IBA57: variants seen among roughly 807,000 people sequenced by gnomAD.
The protein encoded by IBA57 is iron-sulfur cluster assembly factor IBA57.
Under a neutral mutation model 20.4 loss-of-function variants are expected in IBA57, and 20 were observed. That is an observed-to-expected ratio of 0.98 (90% confidence interval 0.69 to 1.42). The LOEUF is 1.42. IBA57 is among the 40% of genes most tolerant of loss of function. The pLI is 0.00. For missense variants in IBA57, 608 were observed against 499.3 expected, an observed-to-expected ratio of 1.22 and a Z score of -2.07; for synonymous variants, 310 against 233.9, an observed-to-expected ratio of 1.33 and a Z score of -2.97.
intron 1 of IBA57, among the ~76,000 whole-genome samples, chr1:228,167,300 T>C (rs935571578): frequency 6.6e-6 from 1 of 152,096 alleles, no homozygotes; most frequent in Non-Finnish European, 1.5e-5. Context: ...TGCCGGTGTT[T>C]ATAATAAAAT....
At position 228,176,974 on chromosome 1, in the gene IBA57, T is replaced by C. The variant is rs1026851654; in HGVS notation, c.*1461T>C. ...AGAGCCGGTGGCCTTCAGCCCCTCT[T>C]GGACAGGTCATGGTCTGGAAGCGCC... On this transcript the variant is annotated 3_prime_UTR_variant, in exon 3 of 3. Coordinates refer to ENST00000366711, the MANE Select transcript of IBA57 (RefSeq NM_001010867.4). 2.6e-5 allele frequency: 4 copies of C among 152,320 alleles called. No individual in the cohort carries two copies. The highest frequency in any genetic ancestry group is 2.1e-4 in the South Asian group (1 of 4,830). The allele number at this position is 152,320 out of a possible 1,614,324, so 9.4% of individuals were successfully genotyped here.
Position 228,175,006 on chromosome 1 carries a change from A to G in IBA57, c.656A>G (p.Tyr219Cys). Residue 219 changes from tyrosine (Y) to cysteine (C), a missense_variant, in exon 2 of 3, where the codon TAT (tyrosine) becomes TGT (cysteine). Transcript: ENST00000366711. ...PGGRLGDLWD[Y>C]HQHRYLQGVP... ...GGCCGGCTCGGGGACTTGTGGGATT[A>G]TCACCAGCACCGATACCTGCAAGGT... 1 of 1,550,156 alleles carries G rather than the reference A, an allele frequency of 6.5e-7. No individual in the cohort carries two copies. The highest frequency in any genetic ancestry group is 8.7e-7 in the Non-Finnish European group (1 of 1,145,044).
chr1:228,174,102 G>C (rs868432070), intron 1 of IBA57, among the ~76,000 whole-genome samples: 19 of 152,242 alleles, frequency 1.2e-4, no homozygotes, highest in Middle Eastern at 3.4e-3. Flanking sequence ...GGGAGGTGCT[G>C]CCTGGTGTGG....
At position 228,180,471 on chromosome 1, in the gene IBA57, C is replaced by T. The variant is rs2035091846; in HGVS notation, c.*4958C>T. 1 of 152,168 alleles carries T rather than the reference C, an allele frequency of 6.6e-6. No homozygotes were observed. Among genetic ancestry groups the T allele is most frequent in the Non-Finnish European group, 1.5e-5 (1 of 68,020 alleles). 9.4% of individuals were successfully genotyped at this position (152,168 alleles called of 1,614,324 possible). ...AAACCTACAGTGTTCTAAAGTCCCC[C>T]TACTGGTCGGAAGGAGGGCACGGAC... On this transcript the variant is annotated 3_prime_UTR_variant, in exon 3 of 3. Coordinates refer to ENST00000366711, the MANE Select transcript of IBA57 (RefSeq NM_001010867.4).
Position 228,179,287 on chromosome 1 carries a change from C to T in IBA57, c.*3774C>T, listed in dbSNP as rs2035073051. 1 of 151,904 alleles carries T rather than the reference C, an allele frequency of 6.6e-6. No individual in the cohort carries two copies. The highest frequency in any genetic ancestry group is 6.6e-5 in the Admixed American group (1 of 15,242). 9.4% of individuals were successfully genotyped at this position (151,904 alleles called of 1,614,324 possible). ...ATATTTAAAGAAAACAATTTATGCA[C>T]AGGAAGCAAGAGACTATAAAAATGA... On this transcript the variant is annotated 3_prime_UTR_variant, in exon 3 of 3. Coordinates refer to ENST00000366711, the MANE Select transcript of IBA57 (RefSeq NM_001010867.4).
chr1:228,175,194 A>C lies in IBA57; in HGVS notation c.752A>C (p.Asn251Thr). 1 of 1,612,590 alleles carries C rather than the reference A, an allele frequency of 6.2e-7. No homozygotes were observed. Among genetic ancestry groups the C allele is most frequent in the Non-Finnish European group, 8.5e-7 (1 of 1,179,894 alleles). The part of the protein sequence containing the change: ...LPLESNLAFM[N>T]GVSFTKGCYI... ...CTGGAGTCCAACCTGGCCTTCATGA[A>C]CGGCGTGAGCTTCACCAAAGGCTGC... is the stretch of plus-strand genomic sequence containing the variant. The change falls in exon 3 of 3, where the codon AAC (asparagine) becomes ACC (threonine). Residue 251 changes from asparagine (N) to threonine (T), a missense_variant. Asn to Thr is a moderately conservative substitution (Grantham distance 65). Transcript: ENST00000366711.
rs1298056442 is a variant in IBA57 at position 228,166,129 on chromosome 1, C to A, written c.313C>A (p.Arg105=). The change falls in exon 1 of 3, where the codon CGG becomes AGG. Residue 105 remains arginine (R), a synonymous_variant. Transcript: ENST00000366711. Reference sequence around the variant, plus strand: ...CGCCCACTTCCTGAACGTGCAGGGCCGGACGCTCTATGACGTCATCTTGTA... The same window carrying A: ...CGCCCACTTCCTGAACGTGCAGGGCAGGACGCTCTATGACGTCATCTTGTA... ...GYAHFLNVQG[R]TLYDVILYGL... The A allele has an allele frequency of 1.3e-6, 2 of 1,533,036 alleles. No homozygotes were observed. The highest frequency in any genetic ancestry group is 1.7e-4 in the Middle Eastern group (1 of 5,886). The allele number at this position is 1,533,036 out of a possible 1,614,324, so 95.0% of individuals were successfully genotyped here.
At chr1:228,174,510 TC>T (rs1317900590) in intron 1 of IBA57, 181 bp from the exon 2 acceptor site, 1 of 91,762 alleles carries the variant, frequency 1.1e-5, no homozygotes, top group African/African-American at 4.2e-5. Flanking sequence ...TGGGCGTGGC[TC>T]CCTGCGTGTG....
In IBA57 at chr1:228,175,726, G is replaced by A. The variant is rs1408839497; in HGVS notation, c.*213G>A. ...GGGTTGTTTTCTCCCTGGACTTCCT[G>A]TGGCCCCAGAGGAGCCCACCGTGTG... is the stretch of plus-strand genomic sequence containing the variant. On this transcript the variant is annotated 3_prime_UTR_variant, in exon 3 of 3. Coordinates refer to ENST00000366711, the MANE Select transcript of IBA57 (RefSeq NM_001010867.4). 1.9e-6 allele frequency: 1 copy of A among 531,608 alleles called. No individual in the cohort carries two copies. Among genetic ancestry groups the A allele is most frequent in the African/African-American group, 1.9e-5 (1 of 51,760 alleles). The allele number at this position is 531,608 out of a possible 1,614,324, so 32.9% of individuals were successfully genotyped here. A position where few individuals can be genotyped will look rare whatever the true frequency, so the allele number is the denominator to read the frequency against.
Position 228,174,844 on chromosome 1 carries a change from G to A in IBA57, c.494G>A (p.Ser165Asn). Residue 165 changes from serine (S) to asparagine (N), a missense_variant, in exon 2 of 3, where the codon AGT becomes AAT. By Grantham distance (46) the Ser-to-Asn change is conservative (BLOSUM62 1). Transcript: ENST00000366711. ...PELRVWAVLPSSPEACGAASL... is the reference protein window; with the variant it reads ...PELRVWAVLPNSPEACGAASL... ...CTGCGAGTGTGGGCGGTGTTGCCCA[G>A]TTCCCCTGAGGCCTGCGGGGCTGCA... 3 of 1,610,492 alleles carry A rather than the reference G, an allele frequency of 1.9e-6. No individual in the cohort carries two copies. Among genetic ancestry groups the A allele is most frequent in the Non-Finnish European group, 2.5e-6 (3 of 1,179,276 alleles).
At chr1:228,171,896 A>C (rs1012620243) in intron 1 of IBA57, 2 of 152,324 alleles carry the variant, frequency 1.3e-5, no homozygotes, top group African/African-American at 4.8e-5. Flanking sequence ...CGGGTCCCCC[A>C]CTCACCTGTG....
Position 228,176,236 on chromosome 1 carries a change from G to A in IBA57, c.*723G>A, listed in dbSNP as rs1158579532. The stretch of plus-strand genomic sequence containing the variant: ...GGGCAGAGTTCTGCCTGTGTGTGCT[G>A]GGTTTTGGCATAGCCTGTGTTTGCA... On this transcript the variant is annotated 3_prime_UTR_variant, in exon 3 of 3. Transcript: ENST00000366711. 1 of 152,416 alleles carries A rather than the reference G, an allele frequency of 6.6e-6. No individual in the cohort carries two copies. Among genetic ancestry groups the A allele is most frequent in the African/African-American group, 2.4e-5 (1 of 41,462 alleles). The allele number at this position is 152,416 out of a possible 1,614,324, so 9.4% of individuals were successfully genotyped here.
At position 228,175,680 on chromosome 1, in the gene IBA57, G is replaced by C; in HGVS notation, c.*167G>C. 1 of 856,686 alleles carries C rather than the reference G, an allele frequency of 1.2e-6. No individual in the cohort carries two copies. Among genetic ancestry groups the C allele is most frequent in the Non-Finnish European group, 1.7e-6 (1 of 597,556 alleles). The allele number at this position is 856,686 out of a possible 1,614,324, so 53.1% of individuals were successfully genotyped here. Reference sequence around the variant, plus strand: ...AGGTGCCCTGCCTGGCCCCACCCATGCTCAGGGGCCCCAGGCACGTGGGTT... The same window carrying C: ...AGGTGCCCTGCCTGGCCCCACCCATCCTCAGGGGCCCCAGGCACGTGGGTT... On this transcript the variant is annotated 3_prime_UTR_variant, in exon 3 of 3. Coordinates refer to ENST00000366711, the MANE Select transcript of IBA57 (RefSeq NM_001010867.4).
rs2034996125 is a variant in IBA57, at chr1:228,175,272, A to G, written c.830A>G (p.Lys277Arg). The G allele has an allele frequency of 6.2e-7, 1 of 1,612,812 alleles. No homozygotes were observed. The highest frequency in any genetic ancestry group is 2.2e-5 in the East Asian group (1 of 44,858). The change falls in exon 3 of 3, where the codon AAG (lysine) becomes AGG (arginine). Residue 277 changes from lysine (K) to arginine (R), a missense_variant. Coordinates refer to ENST00000366711, the MANE Select transcript of IBA57 (RefSeq NM_001010867.4). ...ACCCACCACATGGGCGTCATCCGCA[A>G]GCGCCTCTTCCCTGTCCGGTTCTTG... ...ARTHHMGVIR[K>R]RLFPVRFLDP...
Position 228,165,944 on chromosome 1 carries a change from C to T in IBA57, c.128C>T (p.Thr43Met), listed in dbSNP as rs1300778319. The stretch of plus-strand genomic sequence containing the variant: ...TCCTGCAGTCCTGGTGGCGACCCAA[C>T]GGCCGGAGCGGCCTGGGCCTGCTTC... ...HSSCSPGGDPTAGAAWACFRL... is the reference protein window; with the variant it reads ...HSSCSPGGDPMAGAAWACFRL... Residue 43 changes from threonine to methionine, a missense_variant, in exon 1 of 3, where the codon ACG becomes ATG. Transcript: ENST00000366711. 1 of 1,502,372 alleles carries T rather than the reference C, an allele frequency of 6.7e-7. No individual in the cohort carries two copies. Among genetic ancestry groups the T allele is most frequent in the Non-Finnish European group, 8.8e-7 (1 of 1,133,128 alleles). 93.1% of individuals were successfully genotyped at this position (1,502,372 alleles called of 1,614,324 possible).
chr1:228,174,242 TGTGG>T, intron 1 of IBA57, among the ~76,000 whole-genome samples: 1 of 2 alleles, frequency 0.5, no homozygotes, highest in Non-Finnish European at 0.5. Context: ...CGTGGCTCGC[TGTGG>T]GCGTGGCTCG....
At position 228,174,728 on chromosome 1, in the gene IBA57, G is replaced by A. The variant is rs372009942; in HGVS notation, c.378G>A (p.Leu126=). 1.3e-5 allele frequency: 21 copies of A among 1,594,214 alleles called. No individual in the cohort carries two copies. The African/African-American group carries it at 2.4e-4, about 18-fold the overall frequency. The change falls in exon 2 of 3, where the codon CTG becomes CTA. Residue 126 remains leucine (L), a synonymous_variant. Transcript: ENST00000366711. Reference sequence around the variant, plus strand: ...ACTCGGAGGTGTCTGGCTTCCTTCTGGAGTGTGACAGCTCGGTGCAGGGCG... The same window carrying A: ...ACTCGGAGGTGTCTGGCTTCCTTCTAGAGTGTGACAGCTCGGTGCAGGGCG... The part of the protein sequence containing the change: ...QEHSEVSGFL[L]ECDSSVQGAL...
In IBA57 at chr1:228,181,318, C is replaced by A. The variant is rs1482469660; in HGVS notation, c.*5805C>A. 1 of 152,266 alleles carries A rather than the reference C, an allele frequency of 6.6e-6. No homozygotes were observed. The highest frequency in any genetic ancestry group is 1.9e-4 in the East Asian group (1 of 5,202). The allele number at this position is 152,266 out of a possible 1,614,324, so 9.4% of individuals were successfully genotyped here. Reference sequence around the variant, plus strand: ...GTCAGCCTCAGGTATTCTCTTGTAGCAGCACAAATGGAGGCAGACACTTCC... The same window carrying A: ...GTCAGCCTCAGGTATTCTCTTGTAGAAGCACAAATGGAGGCAGACACTTCC... On this transcript the variant is annotated 3_prime_UTR_variant, in exon 3 of 3. Transcript: ENST00000366711.
At chr1:228,175,097 G>C (rs1159362620) in intron 2 of IBA57, 25 bp from the exon 3 acceptor site, 1 of 1,601,086 alleles carries the variant, frequency 6.2e-7, no homozygotes, top group South Asian at 1.1e-5. Flanking sequence ...AATTCTCGCT[G>C]GTTTCCCCCC....
Sources: gnomAD v4.1 joint callset for allele counts (sites outside exome capture counted in the v4.1 genomes callset) on GRCh38, gnomAD v4.1.1 for gene constraint, MANE v1.5 for transcripts, NCBI Gene and HGNC (gene_info 2026-07-23, HGNC 2026-07-21) for gene names.